Variants in PDE4D observed in about 807,000 individuals in gnomAD.
PDE4D encodes phosphodiesterase 4D, also known as 3',5'-cyclic-AMP phosphodiesterase 4D.
Under a neutral mutation model 87.4 loss-of-function variants are expected in PDE4D, and 24 were observed. The observed-to-expected ratio is 0.27, with a 90% CI of 0.20 to 0.39. The LOEUF is 0.39. Among genes scored for constraint, PDE4D ranks in the 10% least tolerant of loss-of-function variants. PDE4D has a pLI of 1.00. For missense variants in PDE4D, 714 were observed against 1,041.0 expected, an observed-to-expected ratio of 0.69 and a Z score of 4.32; for synonymous variants, 384 against 383.2, an observed-to-expected ratio of 1.00 and a Z score of -0.02.
At chr5:60,376,030 T>C (rs1341523123) in intron 1 of PDE4D, among the ~76,000 whole-genome samples, 2 of 152,124 alleles carry the variant, frequency 1.3e-5, no homozygotes, top group Non-Finnish European at 2.9e-5. Flanking sequence ...AAAGCAAGAC[T>C]CCATCTAAAC....
chr5:60,034,374 C>CCCAGGGAAG (rs753602807), intron 2 of PDE4D, among the ~76,000 whole-genome samples: 68 of 152,260 alleles, frequency 4.5e-4, no homozygotes, highest in Middle Eastern at 3.4e-3. Context: ...CTGGAGATGC[C>CCCAGGGAAG]AATGGGGGAT....
At chr5:59,584,439 C>A (rs1393436006) in intron 1 of PDE4D, among the ~76,000 whole-genome samples, 1 of 152,294 alleles carries the variant, frequency 6.6e-6, no homozygotes, top group South Asian at 2.1e-4. Context: ...CAGATTGGTA[C>A]GACATGCAGT....
At chr5:59,529,108 A>G in intron 1 of PDE4D, 1 of 471,304 alleles carries the variant, frequency 2.1e-6, no homozygotes. Flanking sequence ...CTAATTTCAG[A>G]CTCACTCCTA....
intron 1 of PDE4D, among the ~76,000 whole-genome samples, chr5:59,633,661 C>T (rs1471573974): frequency 6.6e-6 from 1 of 152,104 alleles, no homozygotes; most frequent in Non-Finnish European, 1.5e-5. Context: ...GAAGAAGAAA[C>T]AAAATCCTTT....
intron 1 of PDE4D, among the ~76,000 whole-genome samples, chr5:59,846,541 T>G (rs1458995871): frequency 6.6e-6 from 1 of 152,066 alleles, no homozygotes; most frequent in Non-Finnish European, 1.5e-5. Context: ...GTAGTTTAGC[T>G]CTTACATTTT....
chr5:58,969,471 T>C lies in PDE4D; in HGVS notation c.*5193A>G, dbSNP rs941225410. ...TTTCTTGTCTGGATCCCCTTCCTCT[T>C]CCTGTCAACTTTTTCCCTAGTTACC... On this transcript the variant is annotated 3_prime_UTR_variant, in exon 15 of 15. Transcript: ENST00000340635. The C allele has an allele frequency of 1.3e-5, 2 of 152,182 alleles. No individual in the cohort carries two copies. Among genetic ancestry groups the C allele is most frequent in the Admixed American group, 1.3e-4 (2 of 15,262 alleles). 9.4% of individuals were successfully genotyped at this position (152,182 alleles called of 1,614,324 possible). A position where few individuals can be genotyped will look rare whatever the true frequency, so the allele number is the denominator to read the frequency against.
intron 1 of PDE4D, among the ~76,000 whole-genome samples, chr5:60,195,114 G>A (rs1449669927): frequency 6.6e-6 from 1 of 151,406 alleles, no homozygotes; most frequent in African/African-American, 2.4e-5. Flanking sequence ...TCCTTTGTTT[G>A]GGAATGTCTT....
intron 2 of PDE4D, among the ~76,000 whole-genome samples, chr5:60,136,720 C>G (rs1326059760): frequency 6.6e-6 from 1 of 152,144 alleles, no homozygotes; most frequent in African/African-American, 2.4e-5. Context: ...TAAACAAAAA[C>G]ACCTATGTTA....
At chr5:59,667,014 C>T (rs1746184614) in intron 1 of PDE4D, among the ~76,000 whole-genome samples, 1 of 152,144 alleles carries the variant, frequency 6.6e-6, no homozygotes, top group Non-Finnish European at 1.5e-5. Context: ...GATAATGTGT[C>T]AGTCTGGGTC....
intron 1 of PDE4D, among the ~76,000 whole-genome samples, chr5:59,749,315 C>T (rs1164303840): frequency 6.6e-6 from 1 of 152,156 alleles, no homozygotes; most frequent in Non-Finnish European, 1.5e-5. Flanking sequence ...GGCTGGAGTG[C>T]AGTGGCATGA....
At chr5:59,175,281 C>G (rs1404781324) in intron 5 of PDE4D, among the ~76,000 whole-genome samples, 2 of 152,094 alleles carry the variant, frequency 1.3e-5, no homozygotes, top group Non-Finnish European at 2.9e-5. Context: ...CATGCCATGA[C>G]TGTGTGAAAA....
intron 1 of PDE4D, among the ~76,000 whole-genome samples, chr5:59,313,525 A>C (rs1445785298): frequency 1.3e-5 from 2 of 152,190 alleles, no homozygotes; most frequent in African/African-American, 4.8e-5. Context: ...AAGACCCAGC[A>C]AAGAAATCTA....
intron 2 of PDE4D, among the ~76,000 whole-genome samples, chr5:60,178,601 G>A (rs1205105127): frequency 6.6e-6 from 1 of 152,034 alleles, no homozygotes; most frequent in Non-Finnish European, 1.5e-5. Context: ...GCAAATCAAT[G>A]CTATATAATG....
intron 1 of PDE4D, among the ~76,000 whole-genome samples, chr5:59,727,400 G>A (rs921220012): frequency 6.6e-6 from 1 of 152,058 alleles, no homozygotes; most frequent in African/African-American, 2.4e-5. Flanking sequence ...AAATGTGTGG[G>A]CTGGTTTATC....
chr5:59,515,682 C>G (rs1358390939), intron 1 of PDE4D, among the ~76,000 whole-genome samples: 1 of 152,048 alleles, frequency 6.6e-6, no homozygotes, highest in Non-Finnish European at 1.5e-5. Context: ...AAAATTGTTG[C>G]CATTTTGTAA....
At chr5:59,977,153 G>A (rs1232143561) in intron 3 of PDE4D, among the ~76,000 whole-genome samples, 3 of 152,222 alleles carry the variant, frequency 2.0e-5, no homozygotes, top group Non-Finnish European at 4.4e-5. Flanking sequence ...TAGTGAGGAA[G>A]ACATGTCAAA....
chr5:59,893,585 C>T lies in PDE4D; in HGVS notation c.38G>A (p.Gly13Asp). 6.6e-7 allele frequency: 1 copy of T among 1,522,836 alleles called. No individual in the cohort carries two copies. The highest frequency in any genetic ancestry group is 8.8e-7 in the Non-Finnish European group (1 of 1,135,914). The allele number at this position is 1,522,836 out of a possible 1,614,324, so 94.3% of individuals were successfully genotyped here. The change falls in exon 1 of 15, where the codon GGC (glycine) becomes GAC (aspartate). Residue 13 changes from glycine to aspartate, a missense_variant. Physicochemically the swap from Gly to Asp is moderately conservative, Grantham distance 94 (BLOSUM62 -1). This residue lies in a region of PDE4D where 268 missense variants were observed against 272.9 expected (regional missense o/e 0.98). Transcript: ENST00000340635. ...AEGSSAPARA[G>D]SGEGSDSAGG... is the part of the protein sequence containing the mutation. ...GGCGCTGTCGCTGCCCTCTCCGCTG[C>T]CCGCCCGGGCCGGCGCGCTGCTGCC...
intron 2 of PDE4D, among the ~76,000 whole-genome samples, chr5:60,026,312 T>A (rs4700353): frequency 0.49 from 74,895 of 151,902 alleles, 18,847 homozygotes; most frequent in East Asian, 0.78. Context: ...AGACAAGTGC[T>A]CCAATGACTC....
At chr5:60,282,785 G>A (rs879786527) in intron 1 of PDE4D, among the ~76,000 whole-genome samples, 36 of 152,170 alleles carry the variant, frequency 2.4e-4, no homozygotes, top group Non-Finnish European at 4.7e-4. Flanking sequence ...CTACATATGA[G>A]TTATTTGGAA....
Sources: gnomAD v4.1 joint callset for allele counts (sites outside exome capture counted in the v4.1 genomes callset) on GRCh38, gnomAD v4.1.1 for gene constraint, gnomAD v4.1.1 regional missense constraint, MANE v1.5 for transcripts, NCBI Gene and HGNC (gene_info 2026-07-23, HGNC 2026-07-21) for gene names.